Variants in AGBL4 observed in about 807,000 individuals in gnomAD.
The protein encoded by AGBL4 is cytosolic carboxypeptidase 6.
Under a neutral mutation model 66.4 loss-of-function variants are expected in AGBL4, and 58 were observed. The ratio of observed to expected loss-of-function variants is 0.87; its 90% CI spans 0.71 to 1.09. The LOEUF (loss-of-function observed/expected upper bound fraction) is 1.09, where lower values mean the gene tolerates loss of function less well. Ranked by LOEUF, AGBL4 falls within the 50% of genes least tolerant of loss-of-function variation. The pLI, the probability that AGBL4 is intolerant of heterozygous loss-of-function variation, is 0.00. For missense variants in AGBL4, 579 were observed against 631.0 expected (o/e 0.92, Z 0.88); for synonymous variants, 234 against 222.9 (o/e 1.05, Z -0.44).
chr1:49,975,936 C>A (rs1658520206), intron 1 of AGBL4, among the ~76,000 whole-genome samples: 1 of 152,108 alleles, frequency 6.6e-6, no homozygotes, highest in Non-Finnish European at 1.5e-5. Flanking sequence ...ACTTTTGTTT[C>A]TTATATTTAA....
intron 4 of AGBL4, among the ~76,000 whole-genome samples, chr1:49,207,532 T>TTTC: frequency 2.3e-5 from 3 of 129,802 alleles, no homozygotes; most frequent in South Asian, 2.7e-4. Flanking sequence ...TCTCTCTTTC[T>TTTC]TTTTCTTTCT....
chr1:49,373,584 C>T (rs1342496403), intron 3 of AGBL4, among the ~76,000 whole-genome samples: 1 of 151,934 alleles, frequency 6.6e-6, no homozygotes, highest in Non-Finnish European at 1.5e-5. Flanking sequence ...GGCAATAGTA[C>T]AAAACAGTTC....
At chr1:49,407,083 A>G (rs1645218738) in intron 3 of AGBL4, among the ~76,000 whole-genome samples, 1 of 150,802 alleles carries the variant, frequency 6.6e-6, no homozygotes, top group Non-Finnish European at 1.5e-5. Context: ...AAAAAAAAAA[A>G]AAAAAAAAGA....
intron 3 of AGBL4, among the ~76,000 whole-genome samples, chr1:49,362,281 C>T (rs915076435): frequency 6.6e-5 from 10 of 151,930 alleles, no homozygotes; most frequent in Non-Finnish European, 1.5e-4. Context: ...GATGATTTTC[C>T]CTACCTTCAG....
chr1:49,430,491 A>G (rs1291820262), intron 3 of AGBL4, among the ~76,000 whole-genome samples: 2 of 152,196 alleles, frequency 1.3e-5, no homozygotes, highest in Non-Finnish European at 2.9e-5. Flanking sequence ...GGCCTGGTAC[A>G]GAGTAAGTGC....
chr1:49,459,396 G>A (rs1399619145), intron 3 of AGBL4, among the ~76,000 whole-genome samples: 1 of 151,658 alleles, frequency 6.6e-6, no homozygotes, highest in African/African-American at 2.4e-5. Flanking sequence ...GTGCATAAAA[G>A]TGTGCATAGT....
intron 11 of AGBL4, among the ~76,000 whole-genome samples, chr1:48,541,345 C>T (rs924066305): frequency 1.3e-5 from 2 of 152,212 alleles, no homozygotes; most frequent in African/African-American, 4.8e-5. Context: ...TGCATTTTAC[C>T]TGTCTCTTCT....
chr1:48,891,140 C>A (rs957067187), intron 5 of AGBL4, among the ~76,000 whole-genome samples: 1 of 151,936 alleles, frequency 6.6e-6, no homozygotes, highest in Non-Finnish European at 1.5e-5. Context: ...AGATTCATAC[C>A]CATTACAGTA....
At chr1:49,894,006 C>T (rs890764077) in intron 1 of AGBL4, among the ~76,000 whole-genome samples, 15 of 152,260 alleles carry the variant, frequency 9.9e-5, no homozygotes, top group Non-Finnish European at 1.6e-4. Flanking sequence ...AAACCCAGCA[C>T]CAGATGGCAC....
chr1:49,671,289 G>T (rs1571298926), intron 3 of AGBL4, among the ~76,000 whole-genome samples: 1 of 152,252 alleles, frequency 6.6e-6, no homozygotes, highest in South Asian at 2.1e-4. Flanking sequence ...ACATGCAGAA[G>T]ATTGAAGCTA....
chr1:49,637,668 T>A (rs931086428), intron 3 of AGBL4, among the ~76,000 whole-genome samples: 1 of 152,044 alleles, frequency 6.6e-6, no homozygotes. Flanking sequence ...AATTAAAAAA[T>A]TAAAAAGTAG....
At chr1:49,051,525 C>T (rs534115420) in intron 4 of AGBL4, among the ~76,000 whole-genome samples, 4 of 152,246 alleles carry the variant, frequency 2.6e-5, no homozygotes, top group Admixed American at 6.5e-5. Context: ...CTTTTCCCTT[C>T]GTGAGGGCAG....
At position 49,883,802 on chromosome 1, in the gene AGBL4, C is replaced by G. The variant is rs1217980224; in HGVS notation, c.35-32284G>C. Among the ~76,000 whole-genome samples the G allele has an allele frequency of 2.0e-5, 3 of 151,560 alleles. No individual in the cohort carries two copies. The East Asian group carries it at 5.8e-4, about 29-fold the overall frequency. ...AGTAGTCAAAGAAAACAAGACACTA[C>G]AAAACATGCATGTATTGACACAGAC... On this transcript the variant is annotated intron_variant, in intron 1 of 13. Coordinates refer to ENST00000371839, the MANE Select transcript of AGBL4 (RefSeq NM_032785.4).
chr1:49,632,847 G>T (rs553579475), intron 3 of AGBL4, among the ~76,000 whole-genome samples: 1 of 151,862 alleles, frequency 6.6e-6, no homozygotes. Context: ...GTGCCTAGGC[G>T]GGCTGATCAC....
chr1:49,598,486 AC>A (rs1357360461), intron 3 of AGBL4, among the ~76,000 whole-genome samples: 1 of 152,148 alleles, frequency 6.6e-6, no homozygotes, highest in Non-Finnish European at 1.5e-5. Context: ...TCCACTCCAG[AC>A]CCTGTTTGCC....
At chr1:49,454,411 T>C (rs1646344644) in intron 3 of AGBL4, among the ~76,000 whole-genome samples, 2 of 151,738 alleles carry the variant, frequency 1.3e-5, no homozygotes, top group Middle Eastern at 3.2e-3. Context: ...AGGATTTCCC[T>C]ATAATTGAAG....
chr1:49,023,559 A>G (rs79657007), intron 5 of AGBL4, among the ~76,000 whole-genome samples: 3,677 of 152,254 alleles, frequency 0.024, 121 homozygotes, highest in African/African-American at 0.084. Flanking sequence ...AAGCCACAAT[A>G]ATCATTATTT....
At chr1:49,319,820 C>A (rs1645100441) in intron 3 of AGBL4, among the ~76,000 whole-genome samples, 1 of 152,212 alleles carries the variant, frequency 6.6e-6, no homozygotes, top group Non-Finnish European at 1.5e-5. Context: ...AGGCTAAATT[C>A]ATCCTTCCAT....
At chr1:49,854,400 A>G (rs1316764824) in intron 1 of AGBL4, among the ~76,000 whole-genome samples, 2 of 152,118 alleles carry the variant, frequency 1.3e-5, no homozygotes, top group African/African-American at 2.4e-5. Flanking sequence ...GGTAAGTAAA[A>G]GATCCCCAGT....
Sources: allele counts gnomAD v4.1 joint callset (sites outside exome capture counted in the v4.1 genomes callset), GRCh38; gene constraint gnomAD v4.1.1; transcripts MANE v1.5; gene names NCBI Gene and HGNC (gene_info 2026-07-23, HGNC 2026-07-21).